Variants in GTF2IRD1 observed in about 807,000 individuals in gnomAD.
The protein encoded by GTF2IRD1 is general transcription factor II-I repeat domain-containing protein 1.
GTF2IRD1 carries 26 observed loss-of-function variants against 113.2 expected under a neutral mutation model. That is an observed-to-expected ratio of 0.23 (90% CI 0.17 to 0.32). GTF2IRD1 has a LOEUF of 0.32. Among genes scored for constraint, GTF2IRD1 ranks in the 10% least tolerant of loss-of-function variants. GTF2IRD1 has a pLI of 1.00. For synonymous variants in GTF2IRD1, 484 were observed against 529.1 expected, an observed-to-expected ratio of 0.91 and a Z score of 1.17; for missense variants, 864 against 1,280.8, an observed-to-expected ratio of 0.67 and a Z score of 4.97.
intron 6 of GTF2IRD1, 151 bp downstream of exon 6, chr7:74,519,870 G>A (rs1486297892): frequency 5.2e-6 from 3 of 576,242 alleles, no homozygotes; most frequent in Non-Finnish European, 9.1e-6. Context: ...GACAGATGGT[G>A]TCCTGGCTGA....
intron 25 of GTF2IRD1, among the ~76,000 whole-genome samples, chr7:74,599,009 G>A (rs587634956): frequency 6.6e-5 from 10 of 152,112 alleles, no homozygotes; most frequent in Admixed American, 2.0e-4. Context: ...AGACCCTTCC[G>A]GTGGGCTGAG....
At chr7:74,494,750 C>CTTAT (rs1203190114) in intron 1 of GTF2IRD1, among the ~76,000 whole-genome samples, 23 of 151,238 alleles carry the variant, frequency 1.5e-4, no homozygotes, top group African/African-American at 4.8e-4. Context: ...AACCAAAAAA[C>CTTAT]TTATTTATTT....
At position 74,594,471 on chromosome 7, in the gene GTF2IRD1, G is replaced by A. The variant is rs115644599; in HGVS notation, c.2592-543G>A. Reference sequence around the variant, plus strand: ...GATCACTTGGTCAGACAACATCCTCGCTTTATAGATGAGGACAGCAGACCC... The same window carrying A: ...GATCACTTGGTCAGACAACATCCTCACTTTATAGATGAGGACAGCAGACCC... On this transcript the variant is annotated intron_variant, in intron 24 of 26. Transcript: ENST00000424337. Among the ~76,000 whole-genome samples the A allele has an allele frequency of 5.8e-3, 876 of 152,254 alleles. 9 individuals are homozygous for A. Among genetic ancestry groups the A allele is most frequent in the African/African-American group, 0.02 (832 of 41,570 alleles).
chr7:74,457,871 G>GTTT (rs1381895138), intron 1 of GTF2IRD1, among the ~76,000 whole-genome samples: 1 of 143,756 alleles, frequency 7.0e-6, no homozygotes, highest in African/African-American at 2.7e-5. Context: ...GCTGAGTTAC[G>GTTT]TTTTTGTTTT....
At chr7:74,550,072 C>T (rs1255555253) in intron 17 of GTF2IRD1, among the ~76,000 whole-genome samples, 3 of 151,688 alleles carry the variant, frequency 2.0e-5, no homozygotes, top group African/African-American at 4.8e-5. Flanking sequence ...GTGGCATGCA[C>T]CTGTAATCCC....
At chr7:74,566,006 A>AACC (rs1554360599) in intron 22 of GTF2IRD1, among the ~76,000 whole-genome samples, 2 of 143,114 alleles carry the variant, frequency 1.4e-5, no homozygotes, top group African/African-American at 5.2e-5. Context: ...AAGACACACA[A>AACC]ACACACACAC....
At chr7:74,472,122 A>G (rs900876053) in intron 1 of GTF2IRD1, among the ~76,000 whole-genome samples, 7 of 152,304 alleles carry the variant, frequency 4.6e-5, no homozygotes, top group Admixed American at 4.6e-4. Context: ...TTCCAGAGTA[A>G]CTCCACTTGG....
rs543658287 is a variant in GTF2IRD1 at position 74,475,542 on chromosome 7, G to C, written c.-7+21366G>C. Among the ~76,000 whole-genome samples the C allele has an allele frequency of 3.3e-5, 5 of 152,280 alleles. No homozygotes were observed. The East Asian group carries it at 9.7e-4, about 29-fold the overall frequency. The stretch of plus-strand genomic sequence containing the variant: ...CCTGCCATCTGTTGCTGTACCCTAG[G>C]GAGGGGAGGGTGTGGCCCGGGCTGG... On this transcript the variant is annotated intron_variant, in intron 1 of 26. Transcript: ENST00000424337.
intron 1 of GTF2IRD1, among the ~76,000 whole-genome samples, chr7:74,486,163 G>T (rs1795014154): frequency 6.6e-6 from 1 of 152,090 alleles, no homozygotes; most frequent in Admixed American, 6.6e-5. Context: ...TAGAGATGTG[G>T]TTTCACCATG....
In GTF2IRD1 at chr7:74,559,021, C is replaced by G; in HGVS notation, c.2268C>G (p.Asp756Glu). ...TGGAGAGGATTCTTGCTGTGGCTGA[C>G]AAGATCAAGTTCACAGTCACCAGGT... The part of the protein sequence containing the change: ...QNLERILAVA[D>E]KIKFTVTRPF... The change falls in exon 21 of 27, where the codon GAC becomes GAG. Residue 756 changes from aspartate (D) to glutamate (E), a missense_variant. By Grantham distance (45) the Asp-to-Glu change is conservative. This residue lies in a region of GTF2IRD1 where 195 missense variants were observed against 359.1 expected (regional missense o/e 0.54). Coordinates refer to ENST00000424337, the MANE Select transcript of GTF2IRD1 (RefSeq NM_005685.4). The G allele has an allele frequency of 1.9e-6, 3 of 1,613,856 alleles. No individual in the cohort carries two copies. Among genetic ancestry groups the G allele is most frequent in the Non-Finnish European group, 2.5e-6 (3 of 1,179,920 alleles).
At chr7:74,593,834 G>T (rs1439509281) in intron 24 of GTF2IRD1, among the ~76,000 whole-genome samples, 1 of 151,890 alleles carries the variant, frequency 6.6e-6, no homozygotes, top group Non-Finnish European at 1.5e-5. Flanking sequence ...AACCCAGAAG[G>T]CAGAGGTTGC....
intron 26 of GTF2IRD1, chr7:74,601,393 G>C: frequency 6.7e-7 from 1 of 1,500,572 alleles, no homozygotes; most frequent in African/African-American, 1.4e-5. Flanking sequence ...AGGCACTCAG[G>C]CAGGAATTCA....
At position 74,535,189 on chromosome 7, in the gene GTF2IRD1, A is replaced by G. The variant is rs1554349939; in HGVS notation, c.1300+51A>G. On this transcript the variant is annotated intron_variant, in intron 10 of 26. Transcript: ENST00000424337. ...CTGAAGTTTCCGGATTGGTTCCCCA[A>G]CAGAACCCGAGCTGCCACCACCCTG... 5 of 1,496,034 alleles carry G rather than the reference A, an allele frequency of 3.3e-6. No individual in the cohort carries two copies. The South Asian group carries it at 3.4e-5, about 10-fold the overall frequency. 92.7% of individuals were successfully genotyped at this position (1,496,034 alleles called of 1,614,324 possible).
At chr7:74,595,763 G>A (rs1349936985) in intron 25 of GTF2IRD1, among the ~76,000 whole-genome samples, 1 of 152,204 alleles carries the variant, frequency 6.6e-6, no homozygotes, top group Non-Finnish European at 1.5e-5. Flanking sequence ...TATGAGGTCA[G>A]CTGGAAGGAC....
intron 1 of GTF2IRD1, among the ~76,000 whole-genome samples, chr7:74,474,439 A>G (rs1312531047): frequency 1.3e-5 from 2 of 152,110 alleles, no homozygotes; most frequent in African/African-American, 4.8e-5. Flanking sequence ...TCTTGGTGCA[A>G]ATATTTGTGT....
intron 4 of GTF2IRD1, among the ~76,000 whole-genome samples, chr7:74,516,885 C>A (rs1322745963): frequency 6.6e-6 from 1 of 152,190 alleles, no homozygotes; most frequent in African/African-American, 2.4e-5. Flanking sequence ...GAGGTGACAA[C>A]AGATATCCCA....
At chr7:74,553,841 A>C (rs182429766) in intron 17 of GTF2IRD1, among the ~76,000 whole-genome samples, 344 of 152,250 alleles carry the variant, frequency 2.3e-3, no homozygotes, top group Non-Finnish European at 4.3e-3. Context: ...CCCTTTCAGA[A>C]CCTGAGTTCT....
At chr7:74,564,406 G>T (rs1177280341) in intron 22 of GTF2IRD1, among the ~76,000 whole-genome samples, 2 of 152,198 alleles carry the variant, frequency 1.3e-5, no homozygotes, top group African/African-American at 2.4e-5. Context: ...AGCCTCCCCA[G>T]TGTAGGGTGA....
Position 74,579,803 on chromosome 7 carries a change from T to A in GTF2IRD1, c.2321-10048T>A, listed in dbSNP as rs587769209. Among the ~76,000 whole-genome samples the A allele has an allele frequency of 1.4e-4, 21 of 152,240 alleles. No individual in the cohort carries two copies. In the East Asian group the frequency reaches 4.0e-3, roughly 29 times the overall value. On this transcript the variant is annotated intron_variant, in intron 22 of 26. Transcript: ENST00000424337. Reference sequence around the variant, plus strand: ...ATGTTGCCCAGGCTACATTTTTTTTTAAATCATGAGTTTTTGAAGGAAATT... The same window carrying A: ...ATGTTGCCCAGGCTACATTTTTTTTAAAATCATGAGTTTTTGAAGGAAATT...
Sources: allele counts gnomAD v4.1 joint callset (sites outside exome capture counted in the v4.1 genomes callset), GRCh38; gene constraint gnomAD v4.1.1; regional missense constraint gnomAD v4.1.1; transcripts MANE v1.5; gene names NCBI Gene and HGNC (gene_info 2026-07-23, HGNC 2026-07-21).